The following CERT1 variants were observed in gnomAD, a reference collection of about 807,000 sequenced individuals.
CERT1 encodes ceramide transfer protein.
Under a neutral mutation model 87.9 loss-of-function variants are expected in CERT1, and 31 were observed. The ratio of observed to expected loss-of-function variants is 0.35; its 90% CI spans 0.27 to 0.48. The LOEUF (loss-of-function observed/expected upper bound fraction) is 0.48. CERT1 is among the 20% of genes least tolerant of loss of function. The pLI, the probability that CERT1 is intolerant of heterozygous loss-of-function variation, is 0.99. For synonymous variants in CERT1, 289 were observed against 250.9 expected (o/e 1.15, Z -1.44); for missense variants, 487 against 758.0 (o/e 0.64, Z 4.20).
At position 75,504,271 on chromosome 5, in the gene CERT1, A is replaced by T. The variant is rs373798240; in HGVS notation, c.231+1711T>A. Among the ~76,000 whole-genome samples the T allele has an allele frequency of 1.4e-4, 22 of 152,246 alleles. No individual in the cohort carries two copies. In the East Asian group the frequency reaches 4.0e-3, roughly 28 times the overall value. ...AAACACCCAAAATATTAAACTAGAT[A>T]CAATTTCTAAACACATTACAATGTA... On this transcript the variant is annotated intron_variant, in intron 2 of 16. Transcript: ENST00000643780.
chr5:75,417,097 A>T, intron 6 of CERT1, 64 bp from the exon 7 acceptor site: 2 of 1,289,648 alleles, frequency 1.6e-6, no homozygotes, highest in Non-Finnish European at 2.2e-6. Flanking sequence ...ACAATTTAAG[A>T]TTAGAAAATG....
intron 3 of CERT1, among the ~76,000 whole-genome samples, chr5:75,458,600 G>A (rs1474054810): frequency 1.3e-5 from 2 of 151,330 alleles, no homozygotes; most frequent in Non-Finnish European, 2.9e-5. Context: ...TGCCCAGGCT[G>A]GAGTGCAGTA....
chr5:75,485,543 A>C (rs922366982), intron 2 of CERT1, among the ~76,000 whole-genome samples: 2 of 151,964 alleles, frequency 1.3e-5, no homozygotes, highest in Non-Finnish European at 2.9e-5. Flanking sequence ...AAATTGAAAC[A>C]AAAAAATACA....
intron 2 of CERT1, among the ~76,000 whole-genome samples, chr5:75,471,754 CAAAAAAAAAAAAA>C (rs796209502): frequency 3.9e-5 from 2 of 50,806 alleles, no homozygotes; most frequent in Non-Finnish European, 9.3e-5. Flanking sequence ...GACTTCATCT[CAAAAAAAAAAAAA>C]AAAAAAAAGA....
At chr5:75,375,147 AT>A (rs2111961822), downstream of CERT1, 1 of 159,280 alleles carries the variant, frequency 6.3e-6, no homozygotes, top group African/African-American at 2.4e-5. Flanking sequence ...ACAACATGGC[AT>A]TTCTTTCCTC....
At chr5:75,403,079 G>A (rs1293522863) in intron 8 of CERT1, 21 bp from the exon 9 acceptor site, 5 of 1,510,012 alleles carry the variant, frequency 3.3e-6, no homozygotes, top group Admixed American at 3.7e-5. Context: ...ACACAGTGGA[G>A]AAAAAAGCAG....
chr5:75,381,224 A>T, intron 15 of CERT1, 23 bp from the exon 16 acceptor site: 2 of 1,613,872 alleles, frequency 1.2e-6, no homozygotes, highest in Non-Finnish European at 1.7e-6. Flanking sequence ...AAAACAAAGC[A>T]TCAGTAGATA....
At chr5:75,420,813 T>A (rs1306417915) in intron 5 of CERT1, among the ~76,000 whole-genome samples, 1 of 152,100 alleles carries the variant, frequency 6.6e-6, no homozygotes, top group Non-Finnish European at 1.5e-5. Flanking sequence ...TATCAAGCTT[T>A]TTGTGGCTTC....
intron 11 of CERT1, among the ~76,000 whole-genome samples, chr5:75,397,656 C>A (rs185248101): frequency 1.3e-5 from 2 of 152,260 alleles, no homozygotes; most frequent in Admixed American, 1.3e-4. Context: ...GAGCTTAGCA[C>A]AATAAACCAA....
In CERT1 at chr5:75,382,034, A is replaced by G; in HGVS notation, c.1532T>C (p.Val511Ala). 1 of 1,613,800 alleles carries G rather than the reference A, an allele frequency of 6.2e-7. No individual in the cohort carries two copies. The highest frequency in any genetic ancestry group is 8.5e-7 in the Non-Finnish European group (1 of 1,179,736). The change falls in exon 15 of 17, where the codon GTC (valine) becomes GCC (alanine). Residue 511 changes from valine to alanine, a missense_variant. By Grantham distance (64) the Val-to-Ala change is moderately conservative. Around this residue, in one of 8 missense-constraint regions of CERT1, gnomAD observed 147 missense variants for 200.8 expected, o/e 0.73. Transcript: ENST00000643780. Reference protein sequence around the residue: ...ASQRDVLYLSVIRKIPALTEN... With the variant: ...ASQRDVLYLSAIRKIPALTEN... Reference sequence around the variant, plus strand: ...AGTCAAGGCTGGTATCTTTCGAATGACAGAAAGATATAATACGTCTCGCTG... The same window carrying G: ...AGTCAAGGCTGGTATCTTTCGAATGGCAGAAAGATATAATACGTCTCGCTG...
At chr5:75,389,730 T>C in intron 11 of CERT1, 43 bp from the exon 12 acceptor site, 1 of 1,437,176 alleles carries the variant, frequency 7.0e-7, no homozygotes, top group Admixed American at 1.7e-5. Flanking sequence ...AAAAGGTATG[T>C]CATAATCTCT....
intron 2 of CERT1, among the ~76,000 whole-genome samples, chr5:75,479,334 GGTTT>G (rs1766120279): frequency 6.6e-6 from 1 of 151,914 alleles, no homozygotes; most frequent in African/African-American, 2.4e-5. Flanking sequence ...TACATGTGAA[GGTTT>G]GTTACATAGG....
intron 8 of CERT1, among the ~76,000 whole-genome samples, chr5:75,407,876 A>G (rs1322225702): frequency 2.1e-5 from 3 of 143,458 alleles, no homozygotes; most frequent in African/African-American, 7.8e-5. Flanking sequence ...TTTTTTTGGC[A>G]CAATTGTTTT....
chr5:75,463,331 T>G (rs73764906), intron 2 of CERT1, among the ~76,000 whole-genome samples: 67 of 152,322 alleles, frequency 4.4e-4, no homozygotes, highest in African/African-American at 1.4e-3. Flanking sequence ...TAGAATTTTT[T>G]GGGGCCATAA....
intron 3 of CERT1, among the ~76,000 whole-genome samples, chr5:75,437,691 G>C (rs1015092334): frequency 6.6e-6 from 1 of 150,816 alleles, no homozygotes; most frequent in Non-Finnish European, 1.5e-5. Context: ...GCTTGAACCC[G>C]GGAGGCAGAG....
chr5:75,456,975 T>C (rs889743703), intron 3 of CERT1, among the ~76,000 whole-genome samples: 6 of 152,156 alleles, frequency 3.9e-5, no homozygotes, highest in Non-Finnish European at 8.8e-5. Flanking sequence ...ATATGTTTAA[T>C]TAAAACAGAA....
At chr5:75,507,047 G>A (rs1283636899) in intron 1 of CERT1, among the ~76,000 whole-genome samples, 1 of 152,096 alleles carries the variant, frequency 6.6e-6, no homozygotes, top group African/African-American at 2.4e-5. Context: ...ATTGGCTCAG[G>A]CTCTATATCC....
chr5:75,489,435 G>A (rs899012014), intron 2 of CERT1, among the ~76,000 whole-genome samples: 3 of 152,156 alleles, frequency 2.0e-5, no homozygotes, highest in African/African-American at 7.2e-5. Flanking sequence ...CACAGCAAAA[G>A]AAACTATCAT....
intron 2 of CERT1, among the ~76,000 whole-genome samples, chr5:75,502,980 G>A (rs1767452070): frequency 6.6e-6 from 1 of 151,930 alleles, no homozygotes. Context: ...CACAAAGTAA[G>A]GGAATACTAT....
Sources: allele counts gnomAD v4.1 joint callset (sites outside exome capture counted in the v4.1 genomes callset), GRCh38; gene constraint gnomAD v4.1.1; regional missense constraint gnomAD v4.1.1; transcripts MANE v1.5; gene names NCBI Gene and HGNC (gene_info 2026-07-23, HGNC 2026-07-21).